Variants in NUMB observed in about 807,000 individuals in gnomAD.
NUMB encodes the protein protein numb homolog.
A neutral mutation model predicts 59.7 loss-of-function variants in NUMB; 29 were observed. The ratio of observed to expected loss-of-function variants is 0.49; its 90% CI spans 0.36 to 0.66. NUMB has a LOEUF of 0.66. NUMB is among the 30% of genes least tolerant of loss of function. The pLI is 0.00. For missense variants in NUMB, 723 were observed against 822.0 expected, an observed-to-expected ratio of 0.88 and a Z score of 1.47; for synonymous variants, 288 against 288.2, an observed-to-expected ratio of 1.00 and a Z score of 0.01.
intron 10 of NUMB, among the ~76,000 whole-genome samples, 190 bp downstream of exon 10, chr14:73,283,891 G>C (rs1356556140): frequency 6.6e-6 from 1 of 152,162 alleles, no homozygotes; most frequent in Admixed American, 6.5e-5. Context: ...TTGTTGAAGA[G>C]AAATTATGGA....
At chr14:73,399,719 A>G (rs1896317097) in intron 2 of NUMB, among the ~76,000 whole-genome samples, 1 of 152,174 alleles carries the variant, frequency 6.6e-6, no homozygotes, top group Non-Finnish European at 1.5e-5. Context: ...ACTGCACTCC[A>G]GCATGGGCAA....
chr14:73,391,778 G>A (rs1295549171), intron 2 of NUMB, among the ~76,000 whole-genome samples: 2 of 152,192 alleles, frequency 1.3e-5, no homozygotes, highest in African/African-American at 4.8e-5. Context: ...ACAGGTAGAG[G>A]TGGGAGGAGT....
chr14:73,298,490 A>G (rs534457516), intron 6 of NUMB: 1 of 152,344 alleles, frequency 6.6e-6, no homozygotes, highest in East Asian at 1.9e-4. Flanking sequence ...TGAGAATCAC[A>G]TGAGAACAAG....
chr14:73,319,504 C>T (rs1014272206), intron 5 of NUMB, among the ~76,000 whole-genome samples: 30 of 152,114 alleles, frequency 2.0e-4, no homozygotes, highest in African/African-American at 5.6e-4. Context: ...CCTCTGCAGG[C>T]TTATGCATCC....
At chr14:73,290,524 G>A (rs1889320639) in intron 8 of NUMB, among the ~76,000 whole-genome samples, 1 of 152,184 alleles carries the variant, frequency 6.6e-6, no homozygotes, top group South Asian at 2.1e-4. Flanking sequence ...CTTAGCATTT[G>A]TTTACACCAA....
At position 73,451,162 on chromosome 14, in the gene NUMB, A is replaced by AC. The variant is rs1445136214; in HGVS notation, c.-233+7330_-233+7331insG. 1.2e-3 allele frequency among the ~76,000 whole-genome samples: 173 copies of AC among 143,030 alleles called. 1 individual carries two copies. The highest frequency in any genetic ancestry group is 2.7e-3 in the African/African-American group (106 of 38,934). The allele number at this position is 143,030 out of a possible 152,430, so 93.8% of individuals were successfully genotyped here. On this transcript the variant is annotated intron_variant, in intron 1 of 12. Transcript: ENST00000555238. ...GAGCAGGACTCTGTCTCAAAAAAAAAAAAAAAAAAAAACAAAAAACAAATC... is the reference window on the plus strand; with the variant it reads ...GAGCAGGACTCTGTCTCAAAAAAAAACAAAAAAAAAAAACAAAAAACAAATC...
chr14:73,378,020 TACAC>T (rs760071335), intron 2 of NUMB, among the ~76,000 whole-genome samples: 5 of 134,166 alleles, frequency 3.7e-5, no homozygotes, highest in South Asian at 4.5e-4. Context: ...CACACACACA[TACAC>T]ACACACACAC....
At chr14:73,363,069 G>A (rs1245750102) in intron 3 of NUMB, among the ~76,000 whole-genome samples, 4 of 152,070 alleles carry the variant, frequency 2.6e-5, no homozygotes, top group Non-Finnish European at 5.9e-5. Context: ...GCTGAGGCCG[G>A]TGGATCACCT....
At chr14:73,454,680 T>C (rs953513130) in intron 1 of NUMB, among the ~76,000 whole-genome samples, 13 of 152,206 alleles carry the variant, frequency 8.5e-5, no homozygotes, top group Non-Finnish European at 1.9e-4. Context: ...GATTTTGGGA[T>C]TTAAAAACCA....
chr14:73,301,158 C>T (rs752801077), intron 6 of NUMB, among the ~76,000 whole-genome samples: 4 of 152,174 alleles, frequency 2.6e-5, no homozygotes, highest in East Asian at 1.9e-4. Context: ...AGAAAAAATA[C>T]GCTAAATATC....
chr14:73,316,783 T>C (rs1469871394), intron 5 of NUMB, among the ~76,000 whole-genome samples: 1 of 152,236 alleles, frequency 6.6e-6, no homozygotes, highest in Non-Finnish European at 1.5e-5. Context: ...GATTTGCATT[T>C]TAAATTTTAT....
chr14:73,362,465 T>C (rs558397136), intron 3 of NUMB, among the ~76,000 whole-genome samples: 2 of 152,144 alleles, frequency 1.3e-5, no homozygotes, highest in South Asian at 2.1e-4. Flanking sequence ...TCCTTTGAGA[T>C]AGCATCTCAC....
intron 9 of NUMB, chr14:73,285,109 A>G (rs1157052268): frequency 6.6e-6 from 1 of 152,190 alleles, no homozygotes; most frequent in African/African-American, 2.4e-5. Flanking sequence ...CCGCCTCTCA[A>G]GGTGCTGGGA....
intron 6 of NUMB, among the ~76,000 whole-genome samples, chr14:73,310,740 T>C (rs1890736699): frequency 6.7e-6 from 1 of 149,548 alleles, no homozygotes; most frequent in Non-Finnish European, 1.5e-5. Context: ...TCAAAGCACA[T>C]AATAAACTAT....
At chr14:73,391,486 TATTG>T (rs1232450442) in intron 2 of NUMB, among the ~76,000 whole-genome samples, 14 of 152,312 alleles carry the variant, frequency 9.2e-5, no homozygotes, top group South Asian at 2.1e-4. Flanking sequence ...TTATTTTTAT[TATTG>T]ATTGTCAATA....
At chr14:73,424,454 G>C (rs1897495817) in intron 1 of NUMB, among the ~76,000 whole-genome samples, 1 of 152,104 alleles carries the variant, frequency 6.6e-6, no homozygotes, top group Non-Finnish European at 1.5e-5. Context: ...CGTAACTAAA[G>C]TGCTTCTAAT....
chr14:73,415,205 T>C (rs1897075742), intron 1 of NUMB, among the ~76,000 whole-genome samples: 1 of 152,196 alleles, frequency 6.6e-6, no homozygotes, highest in Non-Finnish European at 1.5e-5. Context: ...CTTCTCATGT[T>C]CTGCTTTCAG....
At chr14:73,345,719 C>T (rs1366078809) in intron 4 of NUMB, among the ~76,000 whole-genome samples, 1 of 151,828 alleles carries the variant, frequency 6.6e-6, no homozygotes, top group East Asian at 1.9e-4. Flanking sequence ...ACCAGCCTGG[C>T]CAACATGGTA....
chr14:73,298,708 G>C (rs990052940), intron 6 of NUMB: 5 of 152,190 alleles, frequency 3.3e-5, no homozygotes, highest in African/African-American at 9.7e-5. Flanking sequence ...GAGACTTTTA[G>C]AACTACCATT....
Sources: allele counts gnomAD v4.1 joint callset (sites outside exome capture counted in the v4.1 genomes callset), GRCh38; gene constraint gnomAD v4.1.1; transcripts MANE v1.5; gene names NCBI Gene and HGNC (gene_info 2026-07-23, HGNC 2026-07-21).